Variants in TOX observed in about 807,000 individuals in gnomAD.
TOX encodes the protein thymocyte selection associated high mobility group box.
In TOX, 11 loss-of-function variants were observed where a neutral mutation model predicts 53.7. That is an observed-to-expected ratio of 0.20 (90% CI 0.13 to 0.34). TOX has a LOEUF of 0.34. Among genes scored for constraint, TOX ranks in the 10% least tolerant of loss-of-function variants. The pLI is 1.00. For synonymous variants in TOX, 225 were observed against 245.3 expected, an observed-to-expected ratio of 0.92 and a Z score of 0.77; for missense variants, 570 against 664.6, an observed-to-expected ratio of 0.86 and a Z score of 1.56.
At position 58,944,077 on chromosome 8, in the gene TOX, CT is replaced by C. The variant is rs2129176955; in HGVS notation, c.169-4534del. The stretch of plus-strand genomic sequence containing the variant: ...AATTATATTACTGTTACTTAACCAG[CT>C]TCTCCCTGATCTTAAGCTACTCCCT... On this transcript the variant is annotated intron_variant, in intron 2 of 8. Coordinates refer to ENST00000361421, the MANE Select transcript of TOX (RefSeq NM_014729.3). 2.0e-5 allele frequency among the ~76,000 whole-genome samples: 3 copies of C among 152,236 alleles called. No homozygotes were observed. In the South Asian group the frequency reaches 6.2e-4, roughly 32 times the overall value.
At chr8:58,989,479 G>A (rs1212791752) in intron 1 of TOX, among the ~76,000 whole-genome samples, 1 of 152,174 alleles carries the variant, frequency 6.6e-6, no homozygotes, top group Non-Finnish European at 1.5e-5. Flanking sequence ...GTCCGGTGAT[G>A]TGCCCAGTAT....
chr8:58,955,283 T>G (rs1156734472), intron 2 of TOX, among the ~76,000 whole-genome samples: 1 of 152,072 alleles, frequency 6.6e-6, no homozygotes, highest in Non-Finnish European at 1.5e-5. Context: ...GCCAGGATAT[T>G]TAATATTTAG....
intron 1 of TOX, among the ~76,000 whole-genome samples, chr8:59,012,373 C>G (rs921955659): frequency 9.9e-5 from 15 of 151,888 alleles, no homozygotes; most frequent in African/African-American, 3.6e-4. Flanking sequence ...GGGAGCAACT[C>G]AACCAGAGAG....
intron 1 of TOX, among the ~76,000 whole-genome samples, chr8:58,961,817 A>T (rs1362804283): frequency 6.6e-6 from 1 of 152,140 alleles, no homozygotes; most frequent in Admixed American, 6.5e-5. Context: ...GAACAGGTGA[A>T]TTCTTTTCAA....
intron 5 of TOX, among the ~76,000 whole-genome samples, chr8:58,829,441 A>G (rs751452591): frequency 1.3e-5 from 2 of 152,170 alleles, no homozygotes; most frequent in African/African-American, 2.4e-5. Flanking sequence ...ACCACTTTAG[A>G]AAAGAGTAAA....
At chr8:58,968,562 T>G (rs1812944862) in intron 1 of TOX, among the ~76,000 whole-genome samples, 1 of 152,204 alleles carries the variant, frequency 6.6e-6, no homozygotes, top group African/African-American at 2.4e-5. Flanking sequence ...TTCCACATCC[T>G]ATCAGCTCTC....
chr8:58,904,319 G>A (rs1455096014), intron 3 of TOX, among the ~76,000 whole-genome samples: 3 of 150,582 alleles, frequency 2.0e-5, no homozygotes, highest in Non-Finnish European at 4.4e-5. Context: ...TTTTTTGTTC[G>A]TTTATGGCTT....
intron 4 of TOX, among the ~76,000 whole-genome samples, chr8:58,845,244 T>C (rs1352357919): frequency 6.6e-6 from 1 of 152,140 alleles, no homozygotes; most frequent in Non-Finnish European, 1.5e-5. Flanking sequence ...TAGTTTAAAA[T>C]AGATTTTAAT....
At chr8:58,996,904 TC>T (rs1262392324) in intron 1 of TOX, among the ~76,000 whole-genome samples, 1 of 152,140 alleles carries the variant, frequency 6.6e-6, no homozygotes, top group Non-Finnish European at 1.5e-5. Flanking sequence ...GCCAAGACAG[TC>T]CCCATTTCAG....
chr8:58,820,518 C>T (rs1810256476), intron 6 of TOX, among the ~76,000 whole-genome samples: 3 of 152,110 alleles, frequency 2.0e-5, no homozygotes, highest in Admixed American at 2.0e-4. Context: ...TGGGAGCTTC[C>T]CTACTGGAAT....
intron 4 of TOX, among the ~76,000 whole-genome samples, chr8:58,840,460 G>A (rs776327486): frequency 6.6e-5 from 10 of 152,078 alleles, no homozygotes; most frequent in Non-Finnish European, 1.5e-4. Context: ...AAACACATAG[G>A]CATATATATG....
chr8:59,075,801 C>G (rs536301518), intron 1 of TOX, among the ~76,000 whole-genome samples: 2 of 152,024 alleles, frequency 1.3e-5, no homozygotes, highest in African/African-American at 4.8e-5. Flanking sequence ...AGGGCCTGCT[C>G]AGCATTAAAA....
At position 58,934,571 on chromosome 8, in the gene TOX, C is replaced by T. The variant is rs553968232; in HGVS notation, c.411+4731G>A. On this transcript the variant is annotated intron_variant, in intron 3 of 8. Coordinates refer to ENST00000361421, the MANE Select transcript of TOX (RefSeq NM_014729.3). The stretch of plus-strand genomic sequence containing the variant: ...AGAAGTGCCAGGATTTGAACTGACG[C>T]ACTCTGGCCCAAAGACATCAATTTG... 2.1e-3 allele frequency among the ~76,000 whole-genome samples: 314 copies of T among 152,280 alleles called. 1 individual carries two copies. Among genetic ancestry groups the T allele is most frequent in the South Asian group, 3.5e-3 (17 of 4,820 alleles).
chr8:58,925,445 C>CA (rs1368423095), intron 3 of TOX, among the ~76,000 whole-genome samples: 2 of 152,170 alleles, frequency 1.3e-5, no homozygotes, highest in Non-Finnish European at 2.9e-5. Flanking sequence ...TGTGATAAAG[C>CA]AGGAGGCCAA....
intron 1 of TOX, among the ~76,000 whole-genome samples, chr8:58,994,812 C>G (rs1813528458): frequency 6.6e-6 from 1 of 152,186 alleles, no homozygotes; most frequent in Admixed American, 6.5e-5. Flanking sequence ...GTCGGAACAG[C>G]TAACCTGACA....
intron 2 of TOX, among the ~76,000 whole-genome samples, chr8:58,956,162 C>T (rs1191022599): frequency 6.6e-6 from 1 of 152,198 alleles, no homozygotes; most frequent in Non-Finnish European, 1.5e-5. Context: ...GAGAACTAGA[C>T]TTCTGCTTCT....
intron 1 of TOX, among the ~76,000 whole-genome samples, chr8:59,076,118 G>T (rs1224465123): frequency 6.6e-6 from 1 of 152,144 alleles, no homozygotes; most frequent in African/African-American, 2.4e-5. Flanking sequence ...CTTTCAAGGG[G>T]AGGGACCTCC....
chr8:59,017,098 T>C (rs1246793752), intron 1 of TOX, among the ~76,000 whole-genome samples: 2 of 152,234 alleles, frequency 1.3e-5, no homozygotes, highest in Admixed American at 1.3e-4. Flanking sequence ...CTGGGAGGCA[T>C]GCTGCCTCCA....
chr8:59,079,297 T>C (rs1804354213), intron 1 of TOX, among the ~76,000 whole-genome samples: 1 of 152,180 alleles, frequency 6.6e-6, no homozygotes, highest in South Asian at 2.1e-4. Flanking sequence ...GGGATCTAAG[T>C]GCTAACATCC....
Sources: allele counts gnomAD v4.1 joint callset (sites outside exome capture counted in the v4.1 genomes callset), GRCh38; gene constraint gnomAD v4.1.1; transcripts MANE v1.5; gene names NCBI Gene and HGNC (gene_info 2026-07-23, HGNC 2026-07-21).